Variants in TYW1 observed in about 807,000 individuals in gnomAD.
TYW1 encodes S-adenosyl-L-methionine-dependent tRNA 4-demethylwyosine synthase TYW1.
TYW1 carries 46 observed loss-of-function variants against 96.2 expected under a neutral mutation model. That is an observed-to-expected ratio of 0.48 (90% CI 0.38 to 0.61). The LOEUF is 0.61. Ranked by LOEUF, TYW1 falls within the 20% of genes least tolerant of loss-of-function variation. TYW1 has a pLI of 0.00. For synonymous variants in TYW1, 274 were observed against 323.0 expected, an observed-to-expected ratio of 0.85 and a Z score of 1.63; for missense variants, 684 against 909.6, an observed-to-expected ratio of 0.75 and a Z score of 3.19.
At chr7:67,057,419 G>T (rs1795556483) in intron 9 of TYW1, among the ~76,000 whole-genome samples, 1 of 151,884 alleles carries the variant, frequency 6.6e-6, no homozygotes, top group African/African-American at 2.4e-5. Context: ...ACCCAGGCTG[G>T]AGTGCAGTGG....
At chr7:67,016,126 A>T (rs1794015284) in intron 5 of TYW1, among the ~76,000 whole-genome samples, 1 of 151,628 alleles carries the variant, frequency 6.6e-6, no homozygotes, top group African/African-American at 2.4e-5. Context: ...CACTTGAAAA[A>T]ATGAAACGAT....
At chr7:67,222,866 CTTTT>C (rs570972265) in intron 15 of TYW1, among the ~76,000 whole-genome samples, 1 of 109,626 alleles carries the variant, frequency 9.1e-6, no homozygotes. Context: ...CGCTTTTTTT[CTTTT>C]TTTTTTTTTT....
At chr7:67,057,024 T>C (rs1351184103) in intron 9 of TYW1, among the ~76,000 whole-genome samples, 1 of 151,468 alleles carries the variant, frequency 6.6e-6, no homozygotes, top group African/African-American at 2.4e-5. Context: ...CTTTTCTTTT[T>C]TTTTTTTTTG....
At chr7:67,177,527 A>G (rs528864659) in intron 13 of TYW1, among the ~76,000 whole-genome samples, 3 of 152,342 alleles carry the variant, frequency 2.0e-5, no homozygotes, top group South Asian at 2.1e-4. Context: ...AAAAAAGACA[A>G]ATATTCCAAC....
In TYW1 at chr7:67,085,288, C is replaced by T. The variant is rs146412748; in HGVS notation, c.1384+1749C>T. On this transcript the variant is annotated intron_variant, in intron 11 of 15. Transcript: ENST00000359626. ...CTCCATAATCCCCATAATCCCTATG[C>T]GTTGAGAGAGACCAGGTGGAGGTAA... is the stretch of plus-strand genomic sequence containing the variant. Among the ~76,000 whole-genome samples, 367 of 152,256 alleles carry T rather than the reference C, an allele frequency of 2.4e-3. 1 individual carries two copies. Among genetic ancestry groups the T allele is most frequent in the African/African-American group, 7.8e-3 (325 of 41,540 alleles).
At chr7:67,231,375 G>A (rs34782446) in intron 15 of TYW1, among the ~76,000 whole-genome samples, 40,573 of 151,686 alleles carry the variant, frequency 0.27, 5,786 homozygotes, top group African/African-American at 0.36. Context: ...TGTTATCCTG[G>A]GATCACCAGC....
intron 7 of TYW1, among the ~76,000 whole-genome samples, chr7:67,047,528 A>C (rs1248375995): frequency 6.6e-6 from 1 of 152,198 alleles, no homozygotes; most frequent in Non-Finnish European, 1.5e-5. Flanking sequence ...CCATCCAGTA[A>C]TGTGTAATTA....
intron 12 of TYW1, among the ~76,000 whole-genome samples, chr7:67,100,347 C>T (rs2711926): frequency 2.1e-4 from 32 of 151,430 alleles, no homozygotes; most frequent in Non-Finnish European, 3.8e-4. Context: ...TTTACTCATC[C>T]GTTATGTATT....
intron 13 of TYW1, among the ~76,000 whole-genome samples, chr7:67,176,550 T>C (rs1448943970): frequency 6.6e-6 from 1 of 152,208 alleles, no homozygotes; most frequent in Non-Finnish European, 1.5e-5. Flanking sequence ...TTGATAATTT[T>C]GAGGATATGT....
At chr7:67,218,364 T>A (rs1195800574) in intron 15 of TYW1, among the ~76,000 whole-genome samples, 2 of 150,588 alleles carry the variant, frequency 1.3e-5, no homozygotes, top group East Asian at 1.9e-4. Context: ...TATTTATTTT[T>A]TTTTTTTGAG....
At chr7:67,208,561 G>A (rs148796318) in intron 15 of TYW1, among the ~76,000 whole-genome samples, 2,559 of 151,934 alleles carry the variant, frequency 0.017, 67 homozygotes, top group African/African-American at 0.058. Context: ...GTGGTGGCGC[G>A]TGCCTGTAGT....
chr7:67,122,975 A>G (rs770834392), intron 13 of TYW1, among the ~76,000 whole-genome samples: 8 of 152,244 alleles, frequency 5.3e-5, no homozygotes, highest in Non-Finnish European at 1.2e-4. Flanking sequence ...AAGGAGAAGC[A>G]TAAGATAATG....
intron 8 of TYW1, among the ~76,000 whole-genome samples, chr7:67,054,712 A>C (rs1415558975): frequency 6.6e-6 from 1 of 152,200 alleles, no homozygotes; most frequent in East Asian, 1.9e-4. Flanking sequence ...ATTTGCCTGC[A>C]AGAGTCTTTT....
At chr7:67,061,645 G>A (rs1309233915) in intron 9 of TYW1, among the ~76,000 whole-genome samples, 1 of 152,098 alleles carries the variant, frequency 6.6e-6, no homozygotes, top group Admixed American at 6.5e-5. Flanking sequence ...AAGCCTTGGT[G>A]GTATATAACC....
chr7:66,998,491 C>T (rs1184950733), intron 2 of TYW1, among the ~76,000 whole-genome samples: 1 of 152,038 alleles, frequency 6.6e-6, no homozygotes, highest in Non-Finnish European at 1.5e-5. Flanking sequence ...GGTCAGTAGT[C>T]CTCTCTTTCC....
chr7:67,094,562 A>G (rs141947175), intron 11 of TYW1, among the ~76,000 whole-genome samples: 2,443 of 152,144 alleles, frequency 0.016, 31 homozygotes, highest in Admixed American at 0.044. Flanking sequence ...TTTCTCTGCA[A>G]ATGATTATTA....
intron 15 of TYW1, among the ~76,000 whole-genome samples, chr7:67,198,721 A>ATG (rs1176163341): frequency 5.3e-5 from 8 of 152,166 alleles, no homozygotes; most frequent in African/African-American, 1.9e-4. Flanking sequence ...TGTGAGCTAA[A>ATG]TGTGGCCAGA....
intron 14 of TYW1, among the ~76,000 whole-genome samples, chr7:67,184,591 CATTT>C (rs1799940301): frequency 2.4e-5 from 2 of 84,176 alleles, no homozygotes; most frequent in African/African-American, 4.9e-5. Context: ...TCTGAGATGA[CATTT>C]TATTTTATTT....
intron 13 of TYW1, among the ~76,000 whole-genome samples, chr7:67,171,259 A>G (rs1293249802): frequency 4.0e-5 from 6 of 151,726 alleles, no homozygotes; most frequent in African/African-American, 1.5e-4. Context: ...TTCATTTCTG[A>G]TTTTAGTTAT....
Sources: gnomAD v4.1 joint callset for allele counts (sites outside exome capture counted in the v4.1 genomes callset) on GRCh38, gnomAD v4.1.1 for gene constraint, MANE v1.5 for transcripts, NCBI Gene and HGNC (gene_info 2026-07-23, HGNC 2026-07-21) for gene names.